Variants in INPP4B observed in about 807,000 individuals in gnomAD.
INPP4B encodes inositol polyphosphate-4-phosphatase type II B, also known as inositol polyphosphate 4-phosphatase type II.
Under a neutral mutation model 122.5 loss-of-function variants are expected in INPP4B, and 55 were observed. That is an observed-to-expected ratio of 0.45 (90% CI 0.36 to 0.56). The LOEUF (loss-of-function observed/expected upper bound fraction) is 0.56, where lower values mean the gene tolerates loss of function less well. Among genes scored for constraint, INPP4B ranks in the 20% least tolerant of loss-of-function variants. The pLI is 0.00. For missense variants in INPP4B, 1,000 were observed against 1,097.7 expected (o/e 0.91, Z 1.26); for synonymous variants, 403 against 388.7 (o/e 1.04, Z -0.43).
intron 11 of INPP4B, 144 bp downstream of exon 11, chr4:142,260,348 C>T (rs1214410648): frequency 9.2e-6 from 6 of 654,756 alleles, no homozygotes; most frequent in South Asian, 1.8e-5. Flanking sequence ...ACAATCTCCC[C>T]GCATTCTGCT....
chr4:142,811,226 A>G (rs1218069652), intron 1 of INPP4B, among the ~76,000 whole-genome samples: 7 of 152,170 alleles, frequency 4.6e-5, no homozygotes, highest in Non-Finnish European at 1.0e-4. Context: ...TAGTGGAGTC[A>G]TAGGCAGTGG....
At chr4:142,172,639 T>A (rs1004723315) in intron 16 of INPP4B, among the ~76,000 whole-genome samples, 2 of 149,140 alleles carry the variant, frequency 1.3e-5, no homozygotes, top group African/African-American at 5.1e-5. Flanking sequence ...CCTATGAGAA[T>A]AACATATAAA....
intron 2 of INPP4B, among the ~76,000 whole-genome samples, chr4:142,541,615 C>G (rs1225538312): frequency 6.6e-6 from 1 of 152,174 alleles, no homozygotes; most frequent in Non-Finnish European, 1.5e-5. Context: ...AAGCTGAGCT[C>G]TTGAAATGTA....
intron 1 of INPP4B, among the ~76,000 whole-genome samples, chr4:142,803,358 G>T (rs1009006600): frequency 6.6e-6 from 1 of 151,770 alleles, no homozygotes; most frequent in South Asian, 2.1e-4. Flanking sequence ...ACTCAGAAAT[G>T]CTTTTTTATT....
intron 1 of INPP4B, among the ~76,000 whole-genome samples, chr4:142,838,151 C>G (rs774647585): frequency 1.4e-4 from 21 of 151,422 alleles, no homozygotes; most frequent in Non-Finnish European, 1.6e-4. Context: ...TTCTAAGCGA[C>G]AAAAAGCAGG....
chr4:142,804,169 C>A (rs1421852537), intron 1 of INPP4B, among the ~76,000 whole-genome samples: 1 of 152,002 alleles, frequency 6.6e-6, no homozygotes, highest in Non-Finnish European at 1.5e-5. Flanking sequence ...ATGGCTTATT[C>A]TAATAGGAAA....
intron 8 of INPP4B, among the ~76,000 whole-genome samples, chr4:142,310,009 G>T (rs2151260404): frequency 6.6e-6 from 1 of 152,294 alleles, no homozygotes; most frequent in East Asian, 1.9e-4. Context: ...GATCCTCTGT[G>T]GCTCCCCAGT....
intron 2 of INPP4B, among the ~76,000 whole-genome samples, chr4:142,700,956 G>T (rs1478829317): frequency 1.3e-5 from 2 of 152,032 alleles, no homozygotes; most frequent in African/African-American, 2.4e-5. Flanking sequence ...ATCAGTCAGG[G>T]CTATAGATCA....
At chr4:142,745,533 G>T (rs1460289657) in intron 1 of INPP4B, among the ~76,000 whole-genome samples, 1 of 151,826 alleles carries the variant, frequency 6.6e-6, no homozygotes, top group Non-Finnish European at 1.5e-5. Context: ...TGTATGGTTT[G>T]CAAAACCTAA....
At chr4:142,733,145 T>C (rs1766339181) in intron 1 of INPP4B, among the ~76,000 whole-genome samples, 1 of 152,150 alleles carries the variant, frequency 6.6e-6, no homozygotes, top group African/African-American at 2.4e-5. Context: ...GGATCCTGAC[T>C]CCTACATATA....
At chr4:142,362,062 A>G (rs183999775) in intron 7 of INPP4B, among the ~76,000 whole-genome samples, 1 of 151,994 alleles carries the variant, frequency 6.6e-6, no homozygotes, top group Non-Finnish European at 1.5e-5. Flanking sequence ...CACAGATGTT[A>G]GAGAAGTTTA....
chr4:142,510,832 G>C (rs112426246), intron 2 of INPP4B, among the ~76,000 whole-genome samples: 1,700 of 152,210 alleles, frequency 0.011, 32 homozygotes, highest in African/African-American at 0.038. Context: ...AATCCCATTA[G>C]TTTTCACTCA....
At chr4:142,539,269 C>T (rs906803560) in intron 2 of INPP4B, among the ~76,000 whole-genome samples, 1 of 151,556 alleles carries the variant, frequency 6.6e-6, no homozygotes, top group East Asian at 1.9e-4. Context: ...AAAAATGTTC[C>T]TTAGTGAAGC....
intron 9 of INPP4B, among the ~76,000 whole-genome samples, chr4:142,304,383 A>G (rs1002117199): frequency 1.3e-5 from 2 of 152,128 alleles, no homozygotes; most frequent in African/African-American, 2.4e-5. Context: ...TGTTTAGGAG[A>G]CATAACCTAA....
intron 7 of INPP4B, among the ~76,000 whole-genome samples, chr4:142,338,061 GA>G (rs1777451268): frequency 6.6e-6 from 1 of 152,022 alleles, no homozygotes; most frequent in Non-Finnish European, 1.5e-5. Context: ...TATCAATCCA[GA>G]ATTGCCTGTA....
chr4:142,225,523 T>C (rs1480435954), intron 12 of INPP4B, among the ~76,000 whole-genome samples: 2 of 148,876 alleles, frequency 1.3e-5, no homozygotes, highest in African/African-American at 4.9e-5. Context: ...CACAAATATA[T>C]ATATATATGT....
chr4:142,074,174 A>C (rs1769186833), intron 25 of INPP4B, among the ~76,000 whole-genome samples: 1 of 152,146 alleles, frequency 6.6e-6, no homozygotes, highest in Admixed American at 6.6e-5. Flanking sequence ...TTCTAAATGT[A>C]ACTTAAACAC....
intron 25 of INPP4B, among the ~76,000 whole-genome samples, chr4:142,063,977 C>A (rs938639045): frequency 1.3e-5 from 2 of 152,126 alleles, no homozygotes; most frequent in African/African-American, 4.8e-5. Flanking sequence ...TTAAGGATTG[C>A]ATAATGGAAG....
At chr4:142,100,790 A>T (rs1784145131) in intron 23 of INPP4B, among the ~76,000 whole-genome samples, 1 of 152,114 alleles carries the variant, frequency 6.6e-6, no homozygotes, top group Admixed American at 6.6e-5. Flanking sequence ...AAAGTTTAAC[A>T]GTGCTTTTTG....
Sources: allele counts gnomAD v4.1 joint callset (sites outside exome capture counted in the v4.1 genomes callset), GRCh38; gene constraint gnomAD v4.1.1; transcripts MANE v1.5; gene names NCBI Gene and HGNC (gene_info 2026-07-23, HGNC 2026-07-21).